The following EVI5 variants were observed in gnomAD, a reference collection of about 807,000 sequenced individuals.
EVI5 encodes ecotropic viral integration site 5.
Under a neutral mutation model 112.0 loss-of-function variants are expected in EVI5, and 73 were observed. That is an observed-to-expected ratio of 0.65 (90% confidence interval 0.54 to 0.79). The LOEUF (loss-of-function observed/expected upper bound fraction) is 0.79, where lower values mean the gene tolerates loss of function less well. Among genes scored for constraint, EVI5 ranks in the 30% least tolerant of loss-of-function variants. EVI5 has a pLI of 0.00. For synonymous variants in EVI5, 305 were observed against 319.9 expected (o/e 0.95, Z 0.50); for missense variants, 900 against 968.8 (o/e 0.93, Z 0.94).
rs1468438303 is a variant in EVI5 at position 92,589,565 on chromosome 1, G to C, written c.2070+15742C>G. Among the ~76,000 whole-genome samples, 49 of 152,204 alleles carry C rather than the reference G, an allele frequency of 3.2e-4. 1 individual carries two copies. The highest frequency in any genetic ancestry group is 7.1e-4 in the Non-Finnish European group (48 of 68,024). ...AACTGCAAGGCGGCAGCGAGGCTGG[G>C]GGAGGGGCGCCTGCCACTGCCGAGG... On this transcript the variant is annotated intron_variant, in intron 18 of 19. Transcript: ENST00000684568.
chr1:92,540,763 AT>A (rs539027074), intron 19 of EVI5, among the ~76,000 whole-genome samples: 118 of 152,106 alleles, frequency 7.8e-4, no homozygotes, highest in Non-Finnish European at 1.4e-3. Context: ...CGTAAGTCTC[AT>A]TTCCTTTTCC....
intron 13 of EVI5, among the ~76,000 whole-genome samples, chr1:92,653,575 G>C (rs1205673974): frequency 6.6e-6 from 1 of 152,250 alleles, no homozygotes; most frequent in African/African-American, 2.4e-5. Context: ...AGCCATGGCT[G>C]ATACCACAGG....
chr1:92,617,021 G>T (rs1379062888), intron 16 of EVI5, among the ~76,000 whole-genome samples: 2 of 152,206 alleles, frequency 1.3e-5, no homozygotes, highest in Admixed American at 1.3e-4. Context: ...CTCTTCTCCA[G>T]CCCGCACTGA....
At chr1:92,687,518 A>G (rs1668760187) in intron 9 of EVI5, among the ~76,000 whole-genome samples, 1 of 152,218 alleles carries the variant, frequency 6.6e-6, no homozygotes, top group South Asian at 2.1e-4. Context: ...AGCAATGGCA[A>G]CAAAAGCCAA....
chr1:92,758,584 A>AT (rs1681326433), intron 1 of EVI5, among the ~76,000 whole-genome samples: 2 of 151,724 alleles, frequency 1.3e-5, no homozygotes, highest in East Asian at 3.9e-4. Context: ...AAAAAAAAAA[A>AT]AAATCTGGTT....
chr1:92,605,119 T>C (rs1650074648), intron 18 of EVI5, among the ~76,000 whole-genome samples, 188 bp downstream of exon 18: 1 of 152,176 alleles, frequency 6.6e-6, no homozygotes, highest in African/African-American at 2.4e-5. Context: ...ATATACTTAA[T>C]GCTGCAGAAC....
chr1:92,749,068 A>G (rs1205496557), intron 1 of EVI5: 1 of 26,338 alleles, frequency 3.8e-5, no homozygotes, highest in East Asian at 0.011. Flanking sequence ...CTCTGTCTCA[A>G]AAAAAAAAAA....
intron 2 of EVI5, among the ~76,000 whole-genome samples, chr1:92,725,221 G>C (rs928086583): frequency 3.3e-5 from 5 of 152,240 alleles, no homozygotes; most frequent in Middle Eastern, 3.4e-3. Flanking sequence ...CACCAGAAAA[G>C]ATTAGATGTA....
intron 18 of EVI5, among the ~76,000 whole-genome samples, chr1:92,595,115 C>G (rs1050261325): frequency 7.9e-5 from 12 of 151,928 alleles, no homozygotes; most frequent in Middle Eastern, 3.4e-3. Context: ...CACATGCACA[C>G]GTATGTTTAT....
At chr1:92,648,956 C>T (rs1007455865) in intron 13 of EVI5, among the ~76,000 whole-genome samples, 1 of 152,168 alleles carries the variant, frequency 6.6e-6, no homozygotes, top group African/African-American at 2.4e-5. Context: ...AACTGTTTTC[C>T]ACAGCAGCTT....
chr1:92,699,717 C>A (rs1445882795), intron 5 of EVI5, among the ~76,000 whole-genome samples: 1 of 152,096 alleles, frequency 6.6e-6, no homozygotes, highest in Non-Finnish European at 1.5e-5. Context: ...ATACTGTAGG[C>A]CAACTGTAAC....
chr1:92,562,686 TTTTG>T (rs67825622), intron 19 of EVI5, among the ~76,000 whole-genome samples: 129,251 of 151,836 alleles, frequency 0.85, 55,394 homozygotes, highest in East Asian at 0.97. Context: ...GATTTACTGT[TTTTG>T]TTTATGTTTT....
chr1:92,757,006 C>T (rs1238437590), intron 1 of EVI5: 1 of 202,052 alleles, frequency 4.9e-6, no homozygotes, highest in Non-Finnish European at 1.0e-5. Context: ...TGACTTGAAG[C>T]TCTGGGTAAG....
In EVI5 at chr1:92,679,277, A is replaced by G. The variant is rs1667229635; in HGVS notation, c.1098-2059T>C. Among the ~76,000 whole-genome samples the G allele has an allele frequency of 1.3e-5, 2 of 152,214 alleles. 1 individual carries two copies. On this transcript the variant is annotated intron_variant, in intron 9 of 19. Transcript: ENST00000684568. ...AAGTGGAGAAATGGTCTTCCACGAA[A>G]GCGGTCCCTAGTGTCAAAAAGGCTG...
In EVI5 at chr1:92,784,189, G is replaced by C. The variant is rs552597589; in HGVS notation, c.-82+647C>G. ...AAGAAGCCCCAAAGACAGACAGACAGACAGACACAGGGAAATCACAGCAAC... is the reference window on the plus strand; with the variant it reads ...AAGAAGCCCCAAAGACAGACAGACACACAGACACAGGGAAATCACAGCAAC... On this transcript the variant is annotated intron_variant, in intron 1 of 19. Transcript: ENST00000684568. The C allele has an allele frequency of 1.1e-4, 51 of 473,130 alleles. No individual in the cohort carries two copies. The South Asian group carries it at 2.3e-3, about 21-fold the overall frequency. 29.3% of individuals were successfully genotyped at this position (473,130 alleles called of 1,614,324 possible).
At chr1:92,520,711 C>T (rs968178262) in intron 19 of EVI5, among the ~76,000 whole-genome samples, 3 of 151,604 alleles carry the variant, frequency 2.0e-5, no homozygotes, top group Non-Finnish European at 4.4e-5. Flanking sequence ...ATTAGCTGGG[C>T]GTGGTGGCGT....
chr1:92,662,718 C>A lies in EVI5; in HGVS notation c.1392+1G>T. 8.0e-7 allele frequency: 1 copy of A among 1,256,186 alleles called. No individual in the cohort carries two copies. The highest frequency in any genetic ancestry group is 1.0e-6 in the Non-Finnish European group (1 of 973,922). The allele number at this position is 1,256,186 out of a possible 1,614,324, so 77.8% of individuals were successfully genotyped here. A position where few individuals can be genotyped will look rare whatever the true frequency, so the allele number is the denominator to read the frequency against. On this transcript the variant is annotated splice_donor_variant, in intron 13 of 19. Transcript: ENST00000684568. LOFTEE classifies it high-confidence loss of function. ...GAGAAAAGCACTACCAGACTCCTTA[C>A]CCATTGTTGTTGGTGCTGGAGCTTC...
intron 18 of EVI5, among the ~76,000 whole-genome samples, chr1:92,576,113 C>T (rs1032736371): frequency 6.6e-5 from 10 of 152,040 alleles, no homozygotes; most frequent in African/African-American, 2.2e-4. Flanking sequence ...ACTTAAATAT[C>T]TGAAGTGAAG....
intron 18 of EVI5, among the ~76,000 whole-genome samples, 185 bp from the exon 19 acceptor site, chr1:92,563,922 A>T (rs68039687): frequency 0.2 from 29,692 of 152,102 alleles, 2,993 homozygotes; most frequent in African/African-American, 0.21. Flanking sequence ...TTAATTAATT[A>T]ATTTATTTAT....
Sources: allele counts gnomAD v4.1 joint callset (sites outside exome capture counted in the v4.1 genomes callset), GRCh38; gene constraint gnomAD v4.1.1; transcripts MANE v1.5; gene names NCBI Gene and HGNC (gene_info 2026-07-23, HGNC 2026-07-21).